The following GAS7 variants were observed in gnomAD, a reference collection of about 807,000 sequenced individuals.
GAS7 encodes the protein growth arrest specific 7.
Under a neutral mutation model 71.1 loss-of-function variants are expected in GAS7, and 28 were observed. That is an observed-to-expected ratio of 0.39 (90% CI 0.29 to 0.54). GAS7 has a LOEUF of 0.54. Ranked by LOEUF, GAS7 falls within the 20% of genes least tolerant of loss-of-function variation. The probability of loss-of-function intolerance (pLI) is 0.62; values close to 1 mark genes in which losing one functional copy is unlikely to be tolerated. For synonymous variants in GAS7, 258 were observed against 245.8 expected, an observed-to-expected ratio of 1.05 and a Z score of -0.46; for missense variants, 436 against 627.8, an observed-to-expected ratio of 0.69 and a Z score of 3.27.
At chr17:9,975,918 G>A (rs1272959949) in intron 3 of GAS7, among the ~76,000 whole-genome samples, 1 of 152,118 alleles carries the variant, frequency 6.6e-6, no homozygotes, top group Non-Finnish European at 1.5e-5. Flanking sequence ...TTTGAAGTGG[G>A]GCAGTTCCGT....
chr17:10,036,731 C>T, intron 1 of GAS7: 1 of 1,249,972 alleles, frequency 8.0e-7, no homozygotes. Flanking sequence ...TCTGGACTTT[C>T]CAGATGCAAT....
chr17:9,929,499 G>A (rs2068132026), intron 9 of GAS7, among the ~76,000 whole-genome samples: 1 of 152,024 alleles, frequency 6.6e-6, no homozygotes, highest in South Asian at 2.1e-4. Context: ...TTTTGAGACG[G>A]AGTCTCACTC....
At chr17:9,934,409 C>A (rs1278010535) in intron 8 of GAS7, among the ~76,000 whole-genome samples, 165 bp from the exon 9 acceptor site, 2 of 152,152 alleles carry the variant, frequency 1.3e-5, no homozygotes, top group Non-Finnish European at 2.9e-5. Context: ...CACGTTTCAA[C>A]TCACAGAGTC....
Position 10,034,292 on chromosome 17 carries a change from A to T in GAS7, c.184-14395T>A. ...TCCAAGGGCTTTCATATATACATAT[A>T]TATAGCCTAATACTTAATAATTCTT... On this transcript the variant is annotated intron_variant, in intron 1 of 13. Coordinates refer to ENST00000432992, the MANE Select transcript of GAS7 (RefSeq NM_201433.2). The surrounding 1 kb of genome is among the most constrained non-coding windows in gnomAD (Gnocchi z 4.4). The T allele has an allele frequency of 1.3e-6, 1 of 765,762 alleles. No individual in the cohort carries two copies. Among genetic ancestry groups the T allele is most frequent in the Non-Finnish European group, 1.6e-6 (1 of 630,000 alleles). The allele number at this position is 765,762 out of a possible 1,614,324, so 47.4% of individuals were successfully genotyped here. A position where few individuals can be genotyped will look rare whatever the true frequency, so the allele number is the denominator to read the frequency against.
chr17:10,123,088 T>C (rs527871706), intron 1 of GAS7, among the ~76,000 whole-genome samples: 1 of 152,186 alleles, frequency 6.6e-6, no homozygotes, highest in Non-Finnish European at 1.5e-5. Context: ...TGCCTTGGCC[T>C]ACCCAAAGTG....
rs528535420 is a variant in GAS7 at position 9,925,437 on chromosome 17, G to A, written c.1138+39C>T. On this transcript the variant is annotated intron_variant, in intron 11 of 13. Transcript: ENST00000432992. ...TCCTAGCCCCGTGCCCTCTCCTTCT[G>A]TGTGCACTGACCAGGCCAGGCGGGT... 3 of 1,608,546 alleles carry A rather than the reference G, an allele frequency of 1.9e-6. No individual in the cohort carries two copies. In the South Asian group the frequency reaches 3.3e-5, roughly 18 times the overall value.
chr17:9,925,638 C>T (rs376279855), intron 10 of GAS7, 39 bp from the exon 11 acceptor site: 69 of 1,612,600 alleles, frequency 4.3e-5, no homozygotes, highest in East Asian at 8.9e-5. Flanking sequence ...TCATACAGCT[C>T]GGAGCCAGTG....
intron 1 of GAS7, among the ~76,000 whole-genome samples, chr17:10,070,253 T>C (rs2073325295): frequency 2.0e-5 from 3 of 151,174 alleles, no homozygotes; most frequent in Admixed American, 1.3e-4. Flanking sequence ...CCAACTTTTG[T>C]GGCCACTAAG....
intron 1 of GAS7, among the ~76,000 whole-genome samples, chr17:10,095,220 T>C (rs1231821877): frequency 6.6e-6 from 1 of 152,252 alleles, no homozygotes; most frequent in African/African-American, 2.4e-5. Context: ...CCCTGAAATC[T>C]ATTTTCTAAA....
chr17:10,095,724 G>T (rs1198521024), intron 1 of GAS7, among the ~76,000 whole-genome samples: 1 of 151,114 alleles, frequency 6.6e-6, no homozygotes, highest in Non-Finnish European at 1.5e-5. Flanking sequence ...GGAGGCTAAG[G>T]CAGGAGAGTC....
At chr17:10,050,921 C>A (rs577322744) in intron 1 of GAS7, among the ~76,000 whole-genome samples, 2 of 152,244 alleles carry the variant, frequency 1.3e-5, no homozygotes, top group Admixed American at 6.5e-5. Context: ...GAAGGTATGT[C>A]TTGTTGCACT....
intron 1 of GAS7, among the ~76,000 whole-genome samples, chr17:10,040,403 A>G (rs569659077): frequency 6.6e-6 from 1 of 152,216 alleles, no homozygotes; most frequent in African/African-American, 2.4e-5. Flanking sequence ...GAGGACACCA[A>G]GAACTAAGAA....
chr17:10,156,709 C>G (rs1013437234), intron 1 of GAS7, among the ~76,000 whole-genome samples: 2 of 152,262 alleles, frequency 1.3e-5, no homozygotes, highest in Non-Finnish European at 2.9e-5. Flanking sequence ...CACCAGTTCC[C>G]TCCTAGCAGG....
At chr17:9,920,353 C>A (rs1213380056) in intron 11 of GAS7, among the ~76,000 whole-genome samples, 5 of 152,270 alleles carry the variant, frequency 3.3e-5, no homozygotes, top group African/African-American at 1.2e-4. Context: ...GAATCAGCTC[C>A]TTCTATTGCA....
chr17:10,137,690 C>T (rs1258972283), intron 1 of GAS7, among the ~76,000 whole-genome samples: 1 of 151,978 alleles, frequency 6.6e-6, no homozygotes, highest in Non-Finnish European at 1.5e-5. Context: ...CAGGTGCATG[C>T]CACCACACCA....
intron 1 of GAS7, among the ~76,000 whole-genome samples, chr17:10,159,093 T>C (rs1336623120): frequency 8.1e-6 from 1 of 123,284 alleles, no homozygotes; most frequent in African/African-American, 3.1e-5. Context: ...TATATATATA[T>C]ATATTAAAGA....
At chr17:10,174,673 C>T (rs192718343) in intron 1 of GAS7, among the ~76,000 whole-genome samples, 180 of 151,640 alleles carry the variant, frequency 1.2e-3, no homozygotes, top group Middle Eastern at 3.4e-3. Flanking sequence ...GCCTGGGCGG[C>T]AGAGCGAGAC....
At chr17:10,124,354 G>A (rs937344828) in intron 1 of GAS7, among the ~76,000 whole-genome samples, 15 of 148,884 alleles carry the variant, frequency 1.0e-4, no homozygotes, top group African/African-American at 3.4e-4. Context: ...CCAATGGGAC[G>A]GGCTCCTAAA....
intron 1 of GAS7, among the ~76,000 whole-genome samples, chr17:10,174,415 A>G (rs1223305232): frequency 6.6e-6 from 1 of 152,194 alleles, no homozygotes; most frequent in East Asian, 1.9e-4. Context: ...AATTCTGGCC[A>G]GGCGCGGTGG....
Sources: allele counts gnomAD v4.1 joint callset (sites outside exome capture counted in the v4.1 genomes callset), GRCh38; gene constraint gnomAD v4.1.1; non-coding constraint Gnocchi (gnomAD v3.1); transcripts MANE v1.5; gene names NCBI Gene and HGNC (gene_info 2026-07-23, HGNC 2026-07-21).